Variants in TSG101 observed in about 807,000 individuals in gnomAD.
The protein encoded by TSG101 is tumor susceptibility gene 101 protein.
In TSG101, 19 loss-of-function variants were observed where a neutral mutation model predicts 48.5. That is an observed-to-expected ratio of 0.39 (90% CI 0.27 to 0.58). The LOEUF (loss-of-function observed/expected upper bound fraction) is 0.58. TSG101 is among the 20% of genes least tolerant of loss of function. TSG101 has a pLI of 0.55. For synonymous variants in TSG101, 174 were observed against 169.4 expected, an observed-to-expected ratio of 1.03 and a Z score of -0.21; for missense variants, 365 against 484.4, an observed-to-expected ratio of 0.75 and a Z score of 2.31.
chr11:18,484,907 G>A (rs1245104148), intron 7 of TSG101, among the ~76,000 whole-genome samples: 1 of 144,616 alleles, frequency 6.9e-6, no homozygotes, highest in Non-Finnish European at 1.5e-5. Flanking sequence ...ACGTGAGGAC[G>A]TTAAGTATAT....
intron 7 of TSG101, among the ~76,000 whole-genome samples, chr11:18,496,253 T>C (rs1028793376): frequency 6.6e-6 from 1 of 151,760 alleles, no homozygotes; most frequent in African/African-American, 2.4e-5. Flanking sequence ...CACCTGAGGT[T>C]AGGAGATTGA....
At chr11:18,515,593 C>T (rs916425821) in intron 3 of TSG101, among the ~76,000 whole-genome samples, 2 of 152,208 alleles carry the variant, frequency 1.3e-5, no homozygotes, top group Admixed American at 6.5e-5. Flanking sequence ...ATTCCAGGCT[C>T]TGTGCCACGT....
At chr11:18,490,614 A>G in intron 7 of TSG101, 1 of 465,878 alleles carries the variant, frequency 2.1e-6, no homozygotes, top group Non-Finnish European at 4.2e-6. Flanking sequence ...TTTCATTTTC[A>G]AATAGAAAAT....
chr11:18,522,212 T>C (rs1850289590), intron 1 of TSG101, among the ~76,000 whole-genome samples: 1 of 152,216 alleles, frequency 6.6e-6, no homozygotes, highest in Non-Finnish European at 1.5e-5. Context: ...AATTTTCCAA[T>C]CTTAACCTCT....
intron 1 of TSG101, among the ~76,000 whole-genome samples, chr11:18,523,642 A>G (rs1850318111): frequency 6.6e-6 from 1 of 152,084 alleles, no homozygotes; most frequent in African/African-American, 2.4e-5. Context: ...AGCTGGGATT[A>G]CAGGCGTGCG....
chr11:18,519,649 A>G (rs371975065), intron 1 of TSG101, 46 bp from the exon 2 acceptor site: 14 of 1,366,934 alleles, frequency 1.0e-5, no homozygotes, highest in South Asian at 3.7e-5. Context: ...ACCAATGCAT[A>G]TATTTTACAG....
chr11:18,488,296 A>G (rs1296232041), intron 7 of TSG101, among the ~76,000 whole-genome samples: 1 of 151,430 alleles, frequency 6.6e-6, no homozygotes, highest in Non-Finnish European at 1.5e-5. Context: ...TTCTTTTCTC[A>G]TTTCAGCAGA....
chr11:18,525,691 T>A, intron 1 of TSG101: 1 of 985,076 alleles, frequency 1.0e-6, no homozygotes, highest in South Asian at 4.7e-5. Context: ...GCTTCCCATA[T>A]GTCTTCTATA....
intron 7 of TSG101, among the ~76,000 whole-genome samples, chr11:18,498,057 G>A (rs1398264712): frequency 6.6e-6 from 1 of 151,808 alleles, no homozygotes; most frequent in Admixed American, 6.6e-5. Context: ...GCACTCTTCT[G>A]GATGTTGAGT....
intron 7 of TSG101, chr11:18,490,351 G>C: frequency 3.3e-6 from 2 of 605,276 alleles, no homozygotes; most frequent in Admixed American, 3.8e-5. Context: ...TCTTCATTCA[G>C]TGTATCCAAT....
chr11:18,480,504 A>ATACTT lies in TSG101; in HGVS notation c.*37_*41dup, dbSNP rs199648260. ...ACCTACTGATAAAAGGAAGAGAAGA[A>ATACTT]TACTTTAAGAAGAGCTCAACCTCCA... On this transcript the variant is annotated 3_prime_UTR_variant, in exon 10 of 10. Transcript: ENST00000251968. The ATACTT allele has an allele frequency of 2.6e-5, 39 of 1,517,202 alleles. No homozygotes were observed. Among genetic ancestry groups the ATACTT allele is most frequent in the African/African-American group, 5.5e-5 (4 of 72,962 alleles). The allele number at this position is 1,517,202 out of a possible 1,614,324, so 94.0% of individuals were successfully genotyped here.
At chr11:18,503,370 A>ATTTTT (rs397848238) in intron 6 of TSG101, among the ~76,000 whole-genome samples, 3 of 130,848 alleles carry the variant, frequency 2.3e-5, no homozygotes, top group Non-Finnish European at 4.8e-5. Flanking sequence ...TTCAGGTTAA[A>ATTTTT]TTTTTTTTTT....
intron 7 of TSG101, among the ~76,000 whole-genome samples, chr11:18,500,453 T>C (rs1217089961): frequency 6.6e-6 from 1 of 152,220 alleles, no homozygotes; most frequent in Non-Finnish European, 1.5e-5. Flanking sequence ...ATTGTATAAG[T>C]TCCCTTTTCT....
chr11:18,502,294 A>C (rs568731081), intron 7 of TSG101, among the ~76,000 whole-genome samples, 192 bp downstream of exon 7: 90 of 152,328 alleles, frequency 5.9e-4, no homozygotes, highest in African/African-American at 2.1e-3. Flanking sequence ...AATCAGATTT[A>C]TTTTCATGCC....
chr11:18,495,340 A>G (rs1849758222), intron 7 of TSG101, among the ~76,000 whole-genome samples: 1 of 152,270 alleles, frequency 6.6e-6, no homozygotes, highest in Non-Finnish European at 1.5e-5. Context: ...CCTAAAGCCT[A>G]GGATTCAGAG....
chr11:18,487,363 G>C (rs1849634651), intron 7 of TSG101, among the ~76,000 whole-genome samples: 1 of 151,966 alleles, frequency 6.6e-6, no homozygotes, highest in African/African-American at 2.4e-5. Context: ...TCCTGGACTT[G>C]CTTTGGTTTC....
At chr11:18,496,442 AAAAATAAAATAAAAT>A (rs201480350) in intron 7 of TSG101, among the ~76,000 whole-genome samples, 22,355 of 110,050 alleles carry the variant, frequency 0.2, 2,588 homozygotes, top group East Asian at 0.34. Context: ...ACTCTGTCTC[AAAAATAAAATAAAAT>A]AAAATAAAAT....
At chr11:18,481,553 T>C (rs576164724) in intron 9 of TSG101, 77 bp downstream of exon 9, 7 of 1,542,594 alleles carry the variant, frequency 4.5e-6, no homozygotes, top group African/African-American at 2.8e-5. Flanking sequence ...AAAGAAACTC[T>C]CTTGGTTTGT....
rs77666126 is a variant in TSG101 at position 18,518,673 on chromosome 11, C to T, written c.127+846G>A. Among the ~76,000 whole-genome samples, 480 of 151,998 alleles carry T rather than the reference C, an allele frequency of 3.2e-3. 4 individuals carry two copies. The highest frequency in any genetic ancestry group is 0.011 in the African/African-American group (466 of 41,478). ...AAAGGGACAGTCCAGAGTATAGTTTCGCAAAATGTGTTCCTGAAAATATAA... is the reference window on the plus strand; with the variant it reads ...AAAGGGACAGTCCAGAGTATAGTTTTGCAAAATGTGTTCCTGAAAATATAA... On this transcript the variant is annotated intron_variant, in intron 2 of 9. Transcript: ENST00000251968.
Sources: allele counts gnomAD v4.1 joint callset (sites outside exome capture counted in the v4.1 genomes callset), GRCh38; gene constraint gnomAD v4.1.1; transcripts MANE v1.5; gene names NCBI Gene and HGNC (gene_info 2026-07-23, HGNC 2026-07-21).